The following TCF7L2 variants were observed in gnomAD, a reference collection of about 807,000 sequenced individuals.
The protein encoded by TCF7L2 is transcription factor 7-like 2.
Under a neutral mutation model 77.9 loss-of-function variants are expected in TCF7L2, and 23 were observed. The observed-to-expected ratio is 0.30, with a 90% CI of 0.21 to 0.42. The LOEUF is 0.42. Among genes scored for constraint, TCF7L2 ranks in the 10% least tolerant of loss-of-function variants. The probability of loss-of-function intolerance (pLI) is 1.00; values close to 1 mark genes in which losing one functional copy is unlikely to be tolerated. For synonymous variants in TCF7L2, 413 were observed against 340.2 expected, an observed-to-expected ratio of 1.21 and a Z score of -2.36; for missense variants, 654 against 793.1, an observed-to-expected ratio of 0.82 and a Z score of 2.11.
intron 5 of TCF7L2, among the ~76,000 whole-genome samples, chr10:113,117,470 C>A (rs28454714): frequency 0.023 from 2,940 of 127,324 alleles, 138 homozygotes; most frequent in African/African-American, 0.054. Flanking sequence ...CTCCCCCCAA[C>A]AAATATAGCT....
intron 11 of TCF7L2, among the ~76,000 whole-genome samples, chr10:113,155,332 T>G (rs1470689469): frequency 6.6e-6 from 1 of 152,194 alleles, no homozygotes; most frequent in Admixed American, 6.5e-5. Flanking sequence ...CCATGCCATT[T>G]GCTCACCTGA....
intron 5 of TCF7L2, among the ~76,000 whole-genome samples, chr10:113,120,597 C>A (rs1410744516): frequency 6.6e-6 from 1 of 152,036 alleles, no homozygotes; most frequent in East Asian, 1.9e-4. Context: ...AAAATCATAC[C>A]TTCTAGAGGA....
At chr10:112,990,952 A>G (rs2042427680) in intron 4 of TCF7L2, among the ~76,000 whole-genome samples, 1 of 152,104 alleles carries the variant, frequency 6.6e-6, no homozygotes, top group South Asian at 2.1e-4. Context: ...TTGGTGTTGA[A>G]ATCCCTATTT....
Position 113,127,419 on chromosome 10 carries a change from C to G in TCF7L2, c.553-13765C>G, listed in dbSNP as rs562500173. On this transcript the variant is annotated intron_variant, in intron 5 of 13. Coordinates refer to ENST00000627217, the MANE Select transcript of TCF7L2 (RefSeq NM_001146274.2). ...CCTTCTTGAACCTCTTTATTTAAAA[C>G]AAAACAAAAGTTTGCTGATGCTGCA... 1.7e-4 allele frequency among the ~76,000 whole-genome samples: 26 copies of G among 152,130 alleles called. 1 individual carries two copies. In the South Asian group the frequency reaches 3.3e-3, roughly 19 times the overall value.
At chr10:113,150,415 C>T (rs1340541980) in intron 8 of TCF7L2, among the ~76,000 whole-genome samples, 1 of 151,870 alleles carries the variant, frequency 6.6e-6, no homozygotes, top group Non-Finnish European at 1.5e-5. Context: ...TTGAATTTTC[C>T]CTGTCTTCCT....
intron 5 of TCF7L2, among the ~76,000 whole-genome samples, chr10:113,122,943 T>C (rs970354533): frequency 6.6e-6 from 1 of 152,214 alleles, no homozygotes; most frequent in Admixed American, 6.5e-5. Context: ...TAAAAATCAT[T>C]TGTAAAATTT....
At chr10:112,992,342 C>T (rs1285905824) in intron 4 of TCF7L2, among the ~76,000 whole-genome samples, 1 of 152,162 alleles carries the variant, frequency 6.6e-6, no homozygotes, top group East Asian at 1.9e-4. Context: ...CTCGCCTCCG[C>T]CCCCCAGCCC....
At chr10:112,999,366 G>A (rs2044066435) in intron 4 of TCF7L2, among the ~76,000 whole-genome samples, 1 of 152,246 alleles carries the variant, frequency 6.6e-6, no homozygotes, top group Admixed American at 6.5e-5. Context: ...TAGGCGTTGG[G>A]CCTGAACAAG....
At chr10:113,045,815 TAA>T (rs1336585036) in intron 5 of TCF7L2, among the ~76,000 whole-genome samples, 1 of 152,218 alleles carries the variant, frequency 6.6e-6, no homozygotes, top group Non-Finnish European at 1.5e-5. Flanking sequence ...CCAGACTCTC[TAA>T]AAGAGTTGAC....
At chr10:112,971,565 C>T (rs552849821) in intron 4 of TCF7L2, among the ~76,000 whole-genome samples, 1 of 151,752 alleles carries the variant, frequency 6.6e-6, no homozygotes, top group East Asian at 1.9e-4. Context: ...CTGCCTTGGC[C>T]TCCCAAAGTG....
intron 4 of TCF7L2, among the ~76,000 whole-genome samples, chr10:113,017,551 G>T (rs936168892): frequency 4.4e-4 from 67 of 152,342 alleles, no homozygotes; most frequent in African/African-American, 1.4e-3. Flanking sequence ...TGGGAAGGAG[G>T]AGGGAGCAGA....
chr10:113,140,413 T>G (rs1224630554), intron 5 of TCF7L2, among the ~76,000 whole-genome samples: 1 of 152,222 alleles, frequency 6.6e-6, no homozygotes, highest in Admixed American at 6.5e-5. Context: ...ACTTTGTTTT[T>G]TAGAACTGCC....
At chr10:113,069,115 C>T (rs1041811622) in intron 5 of TCF7L2, among the ~76,000 whole-genome samples, 4 of 151,664 alleles carry the variant, frequency 2.6e-5, no homozygotes, top group South Asian at 2.1e-4. Context: ...CAGGGCTGGC[C>T]GTCTCTTGGA....
chr10:113,158,200 C>A (rs1263069562), intron 12 of TCF7L2, 131 bp downstream of exon 12: 5 of 910,480 alleles, frequency 5.5e-6, no homozygotes, highest in Non-Finnish European at 5.0e-6. Context: ...TCTTAGCTAG[C>A]CTTTTTGTTT....
At chr10:112,988,198 A>G (rs1240466417) in intron 4 of TCF7L2, among the ~76,000 whole-genome samples, 1 of 151,712 alleles carries the variant, frequency 6.6e-6, no homozygotes, top group Non-Finnish European at 1.5e-5. Flanking sequence ...CCTGGGTTCA[A>G]GCAATTCTCT....
intron 5 of TCF7L2, among the ~76,000 whole-genome samples, chr10:113,086,602 C>G (rs2059860114): frequency 6.6e-6 from 1 of 152,180 alleles, no homozygotes. Flanking sequence ...CTACATGGCT[C>G]TAGAGTCAGG....
chr10:113,130,043 A>G, intron 5 of TCF7L2: 1 of 1,169,172 alleles, frequency 8.6e-7, no homozygotes, highest in Non-Finnish European at 1.1e-6. Context: ...GTTCGTGTCC[A>G]TGCTTATGGT....
intron 5 of TCF7L2, among the ~76,000 whole-genome samples, chr10:113,051,743 T>C (rs569128125): frequency 6.6e-6 from 1 of 152,220 alleles, no homozygotes; most frequent in Non-Finnish European, 1.5e-5. Flanking sequence ...AAATGAACTT[T>C]AGATATTTTT....
chr10:113,150,704 G>C (rs1048863029), intron 8 of TCF7L2, among the ~76,000 whole-genome samples: 5 of 152,152 alleles, frequency 3.3e-5, no homozygotes, highest in African/African-American at 4.8e-5. Flanking sequence ...TTTCTGGCAG[G>C]TAGTCCAAGC....
Sources: allele counts gnomAD v4.1 joint callset (sites outside exome capture counted in the v4.1 genomes callset), GRCh38; gene constraint gnomAD v4.1.1; transcripts MANE v1.5; gene names NCBI Gene and HGNC (gene_info 2026-07-23, HGNC 2026-07-21).